Variants in RETREG3 observed in about 807,000 individuals in gnomAD.
The protein encoded by RETREG3 is reticulophagy regulator 3.
A neutral mutation model predicts 50.2 loss-of-function variants in RETREG3; 23 were observed. The observed-to-expected ratio is 0.46, with a 90% CI of 0.33 to 0.65. The LOEUF (loss-of-function observed/expected upper bound fraction) is 0.65, where lower values mean the gene tolerates loss of function less well. Ranked by LOEUF, RETREG3 falls within the 30% of genes least tolerant of loss-of-function variation. The pLI is 0.02. For synonymous variants in RETREG3, 240 were observed against 234.4 expected (o/e 1.02, Z -0.22); for missense variants, 546 against 598.0 (o/e 0.91, Z 0.91).
At chr17:42,599,890 A>C (rs973292345) in intron 1 of RETREG3, among the ~76,000 whole-genome samples, 1 of 151,882 alleles carries the variant, frequency 6.6e-6, no homozygotes, top group African/African-American at 2.4e-5. Context: ...GCTACTCAAC[A>C]GGCTGAGGTG....
At position 42,585,252 on chromosome 17, in the gene RETREG3, G is replaced by A. The variant is rs1221211938; in HGVS notation, c.600C>T (p.Val200=). 6.2e-7 allele frequency: 1 copy of A among 1,613,758 alleles called. No homozygotes were observed. The highest frequency in any genetic ancestry group is 1.1e-5 in the South Asian group (1 of 91,068). Residue 200 remains valine (V), a synonymous_variant, in exon 6 of 9, where the codon GTC becomes GTT. Transcript: ENST00000309428. ...GGTACACAGCAAGGGGCCACATCAT[G>A]ACAGTGACAACTGTGAGGAGGCATG... is the stretch of plus-strand genomic sequence containing the variant. ...LLLSYLMLVT[V]MMWPLAVYHR...
intron 1 of RETREG3, among the ~76,000 whole-genome samples, chr17:42,606,475 C>T (rs995040243): frequency 2.0e-5 from 3 of 151,984 alleles, no homozygotes; most frequent in African/African-American, 7.2e-5. Flanking sequence ...GTGGCGCGTG[C>T]CTGCAATCCT....
rs2093105467 is a variant in RETREG3, at chr17:42,580,622, A to G, written c.*1191T>C. 6.6e-6 allele frequency: 1 copy of G among 152,540 alleles called. No individual in the cohort carries two copies. Among genetic ancestry groups the G allele is most frequent in the Non-Finnish European group, 1.5e-5 (1 of 68,030 alleles). The allele number at this position is 152,540 out of a possible 1,614,324, so 9.4% of individuals were successfully genotyped here. On this transcript the variant is annotated 3_prime_UTR_variant, in exon 9 of 9. Transcript: ENST00000309428. ...AGGCCCATCCCCACATCATATTCACATTTTTTAAATTTCACAAGCAATACT... is the reference window on the plus strand; with the variant it reads ...AGGCCCATCCCCACATCATATTCACGTTTTTTAAATTTCACAAGCAATACT...
At chr17:42,607,296 C>T (rs1475696281) in intron 1 of RETREG3, among the ~76,000 whole-genome samples, 2 of 151,162 alleles carry the variant, frequency 1.3e-5, no homozygotes, top group Admixed American at 6.6e-5. Flanking sequence ...CCTAGGAGTT[C>T]GAGACCAGCC....
In RETREG3 at chr17:42,586,156, G is replaced by A. The variant is rs2093120863; in HGVS notation, c.505-19C>T. On this transcript the variant is annotated intron_variant, in intron 4 of 8. Transcript: ENST00000309428. ...AGCAGAACTGGGGAATCAAGAAAGA[G>A]TATTAAGTTTCTGTCACATGGCAGG... 1 of 1,613,212 alleles carries A rather than the reference G, an allele frequency of 6.2e-7. No individual in the cohort carries two copies. Among genetic ancestry groups the A allele is most frequent in the South Asian group, 1.1e-5 (1 of 91,042 alleles).
chr17:42,592,027 C>T (rs367907314), intron 2 of RETREG3, 29 bp downstream of exon 2: 11 of 1,574,092 alleles, frequency 7.0e-6, no homozygotes, highest in Non-Finnish European at 7.8e-6. Flanking sequence ...ATCTTCAGTT[C>T]AGATTGTTCT....
intron 1 of RETREG3, among the ~76,000 whole-genome samples, chr17:42,598,415 C>G (rs553825402): frequency 3.3e-5 from 5 of 152,168 alleles, no homozygotes; most frequent in South Asian, 2.1e-4. Flanking sequence ...GAAAATATAC[C>G]CTTTATGAAA....
At chr17:42,597,191 C>CTTTTTTTTTT (rs35711566) in intron 1 of RETREG3, among the ~76,000 whole-genome samples, 1 of 130,056 alleles carries the variant, frequency 7.7e-6, no homozygotes. Context: ...TCTATTTTTT[C>CTTTTTTTTTT]TTTTTTTTTT....
In RETREG3 at chr17:42,609,287, G is replaced by A. The variant is rs755888029; in HGVS notation, c.38C>T (p.Pro13Leu). 3 of 1,603,422 alleles carry A rather than the reference G, an allele frequency of 1.9e-6. No homozygotes were observed. Among genetic ancestry groups the A allele is most frequent in the South Asian group, 1.1e-5 (1 of 91,052 alleles). Residue 13 changes from proline to leucine, a missense_variant, in exon 1 of 9, where the codon CCG becomes CTG. Pro to Leu is a moderately conservative substitution (Grantham distance 98, BLOSUM62 -3). Transcript: ENST00000309428. ...GCCCCTGAAAGTCGACCCCGAAGCC[G>A]GGCCTGGGGTCGTGGGAACCCCTTC... is the stretch of plus-strand genomic sequence containing the variant. ...EAEGVPTTPG[P>L]ASGSTFRGRR...
intron 4 of RETREG3, chr17:42,586,438 C>T: frequency 2.4e-6 from 1 of 415,936 alleles, no homozygotes; most frequent in Non-Finnish European, 4.3e-6. Context: ...TTTAAGTCAA[C>T]AGAAACACAC....
chr17:42,586,958 G>T (rs1191480226), intron 3 of RETREG3, 67 bp from the exon 4 acceptor site: 11 of 1,584,680 alleles, frequency 6.9e-6, no homozygotes, highest in Non-Finnish European at 3.4e-6. Flanking sequence ...TGCTGTGCAG[G>T]CAGCCAGTGC....
Position 42,609,251 on chromosome 17 carries a change from A to G in RETREG3, c.74T>C (p.Val25Ala). The change falls in exon 1 of 9, where the codon GTG becomes GCG. Residue 25 changes from valine (V) to alanine (A), a missense_variant. By Grantham distance (64) the Val-to-Ala change is moderately conservative (BLOSUM62 0). Coordinates refer to ENST00000309428, the MANE Select transcript of RETREG3 (RefSeq NM_178126.4). The part of the protein sequence containing the change: ...SGSTFRGRRD[V>A]SGSWERDQQV... ...CTGGTCCCGCTCCCAGGAGCCTGAC[A>G]CATCTCGGCGGCCCCTGAAAGTCGA... is the stretch of plus-strand genomic sequence containing the variant. 1 of 1,606,836 alleles carries G rather than the reference A, an allele frequency of 6.2e-7. No individual in the cohort carries two copies. The highest frequency in any genetic ancestry group is 8.5e-7 in the Non-Finnish European group (1 of 1,179,742).
At chr17:42,583,871 G>A (rs1402224100) in intron 6 of RETREG3, among the ~76,000 whole-genome samples, 1 of 152,122 alleles carries the variant, frequency 6.6e-6, no homozygotes, top group Non-Finnish European at 1.5e-5. Flanking sequence ...GCAATGGCGC[G>A]ATCTCGGCTC....
At chr17:42,609,014 G>A in intron 1 of RETREG3, 72 bp downstream of exon 1, 2 of 1,448,946 alleles carry the variant, frequency 1.4e-6, no homozygotes, top group South Asian at 1.2e-5. Context: ...AACAGGGCAG[G>A]CGAGAAGTAG....
chr17:42,581,569 G>A lies in RETREG3; in HGVS notation c.*244C>T. 1 of 480,396 alleles carries A rather than the reference G, an allele frequency of 2.1e-6. No homozygotes were observed. The highest frequency in any genetic ancestry group is 3.7e-6 in the Non-Finnish European group (1 of 271,958). The allele number at this position is 480,396 out of a possible 1,614,324, so 29.8% of individuals were successfully genotyped here. A position where few individuals can be genotyped will look rare whatever the true frequency, so the allele number is the denominator to read the frequency against. ...TGTTCCCCCAAAGTACCATCCTGAT[G>A]GAGAGAAGCCTCCCTTGGGGGAGCA... is the stretch of plus-strand genomic sequence containing the variant. On this transcript the variant is annotated 3_prime_UTR_variant, in exon 9 of 9. Transcript: ENST00000309428.
In RETREG3 at chr17:42,582,023, A is replaced by G. The variant is rs143121195; in HGVS notation, c.1191T>C (p.Leu397=). 46 of 1,614,092 alleles carry G rather than the reference A, an allele frequency of 2.8e-5. No homozygotes were observed. The highest frequency in any genetic ancestry group is 3.7e-5 in the Non-Finnish European group (44 of 1,180,020). The change falls in exon 9 of 9, where the codon CTT becomes CTC. Residue 397 remains leucine, a synonymous_variant. Coordinates refer to ENST00000309428, the MANE Select transcript of RETREG3 (RefSeq NM_178126.4). ...TCATACCCTGGGAGACCAGGCTGGC[A>G]AGGTTGCTGGTGAGGTTGGATCCTA... ...LPVGSNLTSN[L]ASLVSQGMIQ...
intron 6 of RETREG3, among the ~76,000 whole-genome samples, 180 bp from the exon 7 acceptor site, chr17:42,583,760 C>A (rs1163112852): frequency 6.6e-6 from 1 of 152,156 alleles, no homozygotes; most frequent in Non-Finnish European, 1.5e-5. Context: ...GTTGAAAACA[C>A]TGGAGAAAAT....
chr17:42,606,921 T>C (rs192584385), intron 1 of RETREG3, among the ~76,000 whole-genome samples: 110 of 151,704 alleles, frequency 7.3e-4, no homozygotes, highest in African/African-American at 2.6e-3. Context: ...CGCTTGAACC[T>C]GGGAGGAGGA....
intron 1 of RETREG3, 109 bp downstream of exon 1, chr17:42,608,977 A>G: frequency 8.7e-7 from 1 of 1,149,860 alleles, no homozygotes; most frequent in Admixed American, 2.4e-5. Context: ...TTAGGCAAGT[A>G]CAGGAAGGAG....
Sources: gnomAD v4.1 joint callset for allele counts (sites outside exome capture counted in the v4.1 genomes callset) on GRCh38, gnomAD v4.1.1 for gene constraint, MANE v1.5 for transcripts, NCBI Gene and HGNC (gene_info 2026-07-23, HGNC 2026-07-21) for gene names.